DDIAS: variants seen among roughly 807,000 people sequenced by gnomAD.
DDIAS encodes the protein DNA damage induced apoptosis suppressor.
Under a neutral mutation model 15.7 loss-of-function variants are expected in DDIAS, and 14 were observed. The ratio of observed to expected loss-of-function variants is 0.89; its 90% CI spans 0.59 to 1.39. DDIAS has a LOEUF of 1.39. Ranked by LOEUF, DDIAS falls within the 40% of genes most tolerant of loss-of-function variation. The pLI, the probability that DDIAS is intolerant of heterozygous loss-of-function variation, is 0.00. For synonymous variants in DDIAS, 355 were observed against 395.9 expected (o/e 0.90, Z 1.23); for missense variants, 1,035 against 1,130.9 (o/e 0.92, Z 1.22).
chr11:82,934,019 T>TC lies in DDIAS; in HGVS notation c.2684dup (p.Asp896Ter). On this transcript the variant is annotated frameshift_variant, in exon 6 of 6. Transcript: ENST00000533655. LOFTEE classifies it low-confidence loss of function (END_TRUNC). ...GGGAAATGCCTTGCTGCCTATCATTTCCCTGATCAACAAGAGTTACCAAGA... is the reference window on the plus strand; with the variant it reads ...GGGAAATGCCTTGCTGCCTATCATTTCCCCTGATCAACAAGAGTTACCAAGA... The TC allele has an allele frequency of 2.5e-6, 4 of 1,613,862 alleles. No individual in the cohort carries two copies. Among genetic ancestry groups the TC allele is most frequent in the Non-Finnish European group, 3.4e-6 (4 of 1,179,978 alleles).
At chr11:82,924,899 T>A (rs1291867160) in intron 3 of DDIAS, among the ~76,000 whole-genome samples, 2 of 152,146 alleles carry the variant, frequency 1.3e-5, no homozygotes, top group African/African-American at 4.8e-5. Flanking sequence ...AGATAGCAAA[T>A]TACAGCTATT....
Position 82,933,564 on chromosome 11 carries a change from T to C in DDIAS, c.2226T>C (p.Ser742=), listed in dbSNP as rs1378520499. The part of the protein sequence containing the change: ...QKLSLQSLSD[S]RHSRTCSPTP... ...TATCCTTGCAAAGCCTATCTGACTC[T>C]AGGCATTCAAGAACATGCTCTCCAA... The change falls in exon 6 of 6, where the codon TCT becomes TCC. Residue 742 remains serine, a synonymous_variant. Transcript: ENST00000533655. 1.9e-6 allele frequency: 3 copies of C among 1,614,116 alleles called. No individual in the cohort carries two copies. The highest frequency in any genetic ancestry group is 2.7e-5 in the African/African-American group (2 of 75,058).
At chr11:82,917,534 T>C (rs1239893419) in intron 3 of DDIAS, among the ~76,000 whole-genome samples, 1 of 152,216 alleles carries the variant, frequency 6.6e-6, no homozygotes, top group African/African-American at 2.4e-5. Flanking sequence ...AGTTTCTTTA[T>C]CCACTCATTG....
At chr11:82,902,813 CAGAT>C (rs1481245211) in intron 1 of DDIAS, among the ~76,000 whole-genome samples, 5 of 152,186 alleles carry the variant, frequency 3.3e-5, no homozygotes, top group African/African-American at 9.7e-5. Flanking sequence ...GTTTATTCTG[CAGAT>C]AGTTAAATGC....
At chr11:82,911,559 A>G (rs764185916) in intron 1 of DDIAS, among the ~76,000 whole-genome samples, 3 of 152,204 alleles carry the variant, frequency 2.0e-5, no homozygotes, top group Non-Finnish European at 4.4e-5. Context: ...ATCTCTTGCT[A>G]TTCCACCACA....
At chr11:82,923,369 A>G (rs2121348160) in intron 3 of DDIAS, among the ~76,000 whole-genome samples, 1 of 152,246 alleles carries the variant, frequency 6.6e-6, no homozygotes, top group South Asian at 2.1e-4. Context: ...CCTCATGTTC[A>G]TTTCCCCATT....
chr11:82,902,830 CT>C (rs1433317427), intron 1 of DDIAS, among the ~76,000 whole-genome samples: 5 of 152,230 alleles, frequency 3.3e-5, no homozygotes, highest in Non-Finnish European at 1.5e-5. Flanking sequence ...TTAAATGCTT[CT>C]TTCGTCTGTG....
rs141201236 is a variant in DDIAS, at chr11:82,932,631, T to G, written c.1293T>G (p.Ser431Arg). 151 of 1,613,952 alleles carry G rather than the reference T, an allele frequency of 9.4e-5. No homozygotes were observed. Among genetic ancestry groups the G allele is most frequent in the Non-Finnish European group, 1.2e-4 (139 of 1,180,012 alleles). Reference protein sequence around the residue: ...SLNKFLAVLESEIAVTQADVS... With the variant: ...SLNKFLAVLEREIAVTQADVS... ...ACAAGTTTCTGGCAGTTCTTGAAAG[T>G]GAGATTGCTGTAACCCAGGCAGATG... The change falls in exon 6 of 6, where the codon AGT (serine) becomes AGG (arginine). Residue 431 changes from serine to arginine, a missense_variant. Coordinates refer to ENST00000533655, the MANE Select transcript of DDIAS (RefSeq NM_145018.4).
In DDIAS at chr11:82,914,762, T is replaced by G; in HGVS notation, c.24T>G (p.Leu8=). 6.2e-7 allele frequency: 1 copy of G among 1,608,724 alleles called. No individual in the cohort carries two copies. The highest frequency in any genetic ancestry group is 8.5e-7 in the Non-Finnish European group (1 of 1,175,316). Residue 8 remains leucine, a synonymous_variant, in exon 3 of 6, where the codon CTT becomes CTG. Coordinates refer to ENST00000533655, the MANE Select transcript of DDIAS (RefSeq NM_145018.4). MNRRRKF[L]LASVLALQNS... Reference sequence around the variant, plus strand: ...ACATGAACAGAAGACGAAAATTTCTTCTAGCCTCAGTACTTGCTCTCCAGA... The same window carrying G: ...ACATGAACAGAAGACGAAAATTTCTGCTAGCCTCAGTACTTGCTCTCCAGA...
intron 1 of DDIAS, among the ~76,000 whole-genome samples, chr11:82,912,001 G>A (rs1860538087): frequency 6.6e-6 from 1 of 152,138 alleles, no homozygotes; most frequent in Admixed American, 6.5e-5. Context: ...TCAACAGTGG[G>A]CTTAAAATAT....
chr11:82,911,725 T>G (rs1429256782), intron 1 of DDIAS, among the ~76,000 whole-genome samples: 1 of 152,258 alleles, frequency 6.6e-6, no homozygotes, highest in Non-Finnish European at 1.5e-5. Flanking sequence ...TGAAACCTTT[T>G]CAGAAGATTT....
chr11:82,928,177 CTTTTTTTTTTTTTTTTTTTTT>C (rs541845327), intron 3 of DDIAS, among the ~76,000 whole-genome samples: 121 of 34,206 alleles, frequency 3.5e-3, no homozygotes, highest in Non-Finnish European at 4.3e-3. Context: ...TTTTTGTCCT[CTTTTTTTTTTTTTTTTTTTTT>C]TTTTTTTTTT....
intron 1 of DDIAS, 94 bp from the exon 2 acceptor site, chr11:82,913,193 A>G (rs1860559724): frequency 6.6e-6 from 1 of 152,226 alleles, no homozygotes. Flanking sequence ...AAAAAATGTA[A>G]TATCTGTGAA....
At chr11:82,925,912 CAA>C (rs1039795434) in intron 3 of DDIAS, among the ~76,000 whole-genome samples, 394 of 151,464 alleles carry the variant, frequency 2.6e-3, no homozygotes, top group African/African-American at 8.9e-3. Flanking sequence ...CGCCTGAACC[CAA>C]GAGGTGGAGG....
Position 82,932,992 on chromosome 11 carries a change from A to G in DDIAS, c.1654A>G (p.Ile552Val), listed in dbSNP as rs1215797275. The change falls in exon 6 of 6, where the codon ATA becomes GTA. Residue 552 changes from isoleucine to valine, a missense_variant. Physicochemically the swap from Ile to Val is conservative, Grantham distance 29. Transcript: ENST00000533655. The part of the protein sequence containing the change: ...LSSSSKDLET[I>V]VTLKKTIRIS... ...TTCATCTTCAAAAGATTTAGAAACA[A>G]TAGTTACTCTTAAGAAGACTATCAG... The G allele has an allele frequency of 1.2e-6, 2 of 1,611,370 alleles. No homozygotes were observed. Among genetic ancestry groups the G allele is most frequent in the African/African-American group, 1.3e-5 (1 of 74,930 alleles).
At chr11:82,914,341 T>G (rs1860587265) in intron 2 of DDIAS, among the ~76,000 whole-genome samples, 1 of 152,258 alleles carries the variant, frequency 6.6e-6, no homozygotes, top group Non-Finnish European at 1.5e-5. Context: ...TTTCAGATTT[T>G]GGGTTTTGGA....
At chr11:82,910,606 CTTTTTTTT>C (rs869173859) in intron 1 of DDIAS, among the ~76,000 whole-genome samples, 2,987 of 88,988 alleles carry the variant, frequency 0.034, 90 homozygotes, top group African/African-American at 0.14. Context: ...CTCTCTCTCT[CTTTTTTTT>C]TTTTTTTTTT....
intron 1 of DDIAS, among the ~76,000 whole-genome samples, chr11:82,905,952 C>T (rs905755699): frequency 2.0e-5 from 3 of 152,146 alleles, no homozygotes; most frequent in Non-Finnish European, 4.4e-5. Context: ...CCAAGTGTAT[C>T]ATCATATCTT....
rs375795516 is a variant in DDIAS, at chr11:82,933,698, G to T, written c.2360G>T (p.Gly787Val). 6.2e-7 allele frequency: 1 copy of T among 1,613,948 alleles called. No homozygotes were observed. Among genetic ancestry groups the T allele is most frequent in the Non-Finnish European group, 8.5e-7 (1 of 1,179,962 alleles). ...ISGFHQTRIH[G>V]INRAFKKPVF... The stretch of plus-strand genomic sequence containing the variant: ...GGGTTCCACCAAACAAGAATTCATG[G>T]GATAAACAGAGCTTTCAAAAAACCT... The change falls in exon 6 of 6, where the codon GGG becomes GTG. Residue 787 changes from glycine to valine, a missense_variant. Coordinates refer to ENST00000533655, the MANE Select transcript of DDIAS (RefSeq NM_145018.4).
Sources: allele counts gnomAD v4.1 joint callset (sites outside exome capture counted in the v4.1 genomes callset), GRCh38; gene constraint gnomAD v4.1.1; transcripts MANE v1.5; gene names NCBI Gene and HGNC (gene_info 2026-07-23, HGNC 2026-07-21).